The following AFAP1 variants were observed in gnomAD, a reference collection of about 807,000 sequenced individuals.
AFAP1 encodes the protein actin filament-associated protein 1.
In AFAP1, 75 loss-of-function variants were observed where a neutral mutation model predicts 93.9. The observed-to-expected ratio is 0.80, with a 90% CI of 0.66 to 0.97. The LOEUF is 0.97. Ranked by LOEUF, AFAP1 falls within the 50% of genes least tolerant of loss-of-function variation. The probability of loss-of-function intolerance (pLI) is 0.00; values close to 1 mark genes in which losing one functional copy is unlikely to be tolerated. For synonymous variants in AFAP1, 517 were observed against 430.7 expected, an observed-to-expected ratio of 1.20 and a Z score of -2.48; for missense variants, 1,201 against 1,050.8, an observed-to-expected ratio of 1.14 and a Z score of -1.98.
At chr4:7,765,641 G>A (rs946466865) in intron 17 of AFAP1, among the ~76,000 whole-genome samples, 30 of 152,228 alleles carry the variant, frequency 2.0e-4, no homozygotes, top group Non-Finnish European at 4.1e-4. Context: ...AGAAAGAGGA[G>A]GCAAAAGAGC....
chr4:7,930,484 T>C (rs1170601447), intron 1 of AFAP1, among the ~76,000 whole-genome samples: 1 of 152,192 alleles, frequency 6.6e-6, no homozygotes, highest in Non-Finnish European at 1.5e-5. Context: ...TCTTTAATCA[T>C]ACCTCGGTCT....
chr4:7,839,161 C>T (rs1371925323), intron 5 of AFAP1, among the ~76,000 whole-genome samples: 8 of 152,136 alleles, frequency 5.3e-5, no homozygotes, highest in East Asian at 1.9e-4. Flanking sequence ...ATGAAGAAAC[C>T]CCATCTCTAC....
chr4:7,907,488 T>C (rs1319783599), intron 1 of AFAP1, among the ~76,000 whole-genome samples: 1 of 152,128 alleles, frequency 6.6e-6, no homozygotes, highest in South Asian at 2.1e-4. Context: ...AAAGCTGAGA[T>C]TATGGAAGAA....
rs2148934749 is a variant in AFAP1 at position 7,763,885 on chromosome 4, G to A, written c.2419-94C>T. 3.9e-6 allele frequency: 5 copies of A among 1,294,132 alleles called. No individual in the cohort carries two copies. The South Asian group carries it at 6.3e-5, about 16-fold the overall frequency. 80.2% of individuals were successfully genotyped at this position (1,294,132 alleles called of 1,614,324 possible). A position where few individuals can be genotyped will look rare whatever the true frequency, so the allele number is the denominator to read the frequency against. The stretch of plus-strand genomic sequence containing the variant: ...TCCACATTCAACTCAGAGGGGGTGG[G>A]TGCTCGGCTACTGCAGAAAACTCAA... On this transcript the variant is annotated intron_variant, in intron 17 of 17. Transcript: ENST00000420658.
At chr4:7,858,206 G>A (rs1715285174) in intron 3 of AFAP1, among the ~76,000 whole-genome samples, 1 of 152,182 alleles carries the variant, frequency 6.6e-6, no homozygotes, top group Non-Finnish European at 1.5e-5. Context: ...TAAAAGGTGA[G>A]TGTTTGTGCT....
intron 1 of AFAP1, among the ~76,000 whole-genome samples, chr4:7,936,493 C>T (rs547550779): frequency 1.1e-4 from 17 of 151,742 alleles, no homozygotes; most frequent in African/African-American, 3.4e-4. Context: ...CCTGGCCTTA[C>T]TGTTTGAAAG....
intron 9 of AFAP1, among the ~76,000 whole-genome samples, chr4:7,806,586 G>A (rs1719536578): frequency 1.3e-5 from 2 of 152,216 alleles, no homozygotes; most frequent in African/African-American, 4.8e-5. Context: ...GGCAGGCTCA[G>A]TCTCAAGGGC....
chr4:7,800,764 T>C (rs1718950277), intron 9 of AFAP1, 111 bp from the exon 10 acceptor site: 1 of 1,004,230 alleles, frequency 1.0e-6, no homozygotes, highest in Admixed American at 2.1e-5. Context: ...ATAAAACAAA[T>C]CCTTCACACG....
intron 4 of AFAP1, among the ~76,000 whole-genome samples, chr4:7,848,118 A>C (rs1263071189): frequency 3.1e-5 from 4 of 128,304 alleles, no homozygotes; most frequent in Non-Finnish European, 6.5e-5. Flanking sequence ...GAAGGAAGGA[A>C]GGAAGGAAGG....
chr4:7,796,382 C>A (rs2149017672), intron 10 of AFAP1, among the ~76,000 whole-genome samples: 1 of 152,300 alleles, frequency 6.6e-6, no homozygotes, highest in South Asian at 2.1e-4. Context: ...CTCCGAGGGC[C>A]TCCTGCTGAC....
At chr4:7,800,266 C>CAAGAAGTA (rs151093877) in intron 10 of AFAP1, among the ~76,000 whole-genome samples, 176 bp downstream of exon 10, 56,715 of 151,504 alleles carry the variant, frequency 0.37, 11,260 homozygotes, top group East Asian at 0.76. Context: ...AAAACTGAGG[C>CAAGAAGTA]AAGAAGTAAA....
intron 9 of AFAP1, among the ~76,000 whole-genome samples, chr4:7,805,699 C>T (rs1162385010): frequency 6.6e-6 from 1 of 152,228 alleles, no homozygotes; most frequent in Non-Finnish European, 1.5e-5. Flanking sequence ...CAAGTATTTA[C>T]TGAGCTGGTA....
At chr4:7,785,369 T>C (rs1053354898) in intron 12 of AFAP1, among the ~76,000 whole-genome samples, 2 of 152,064 alleles carry the variant, frequency 1.3e-5, no homozygotes, top group African/African-American at 4.8e-5. Flanking sequence ...GATAGATGGA[T>C]AGATGGATAT....
At chr4:7,820,146 G>T (rs1720838094) in intron 6 of AFAP1, among the ~76,000 whole-genome samples, 1 of 152,178 alleles carries the variant, frequency 6.6e-6, no homozygotes, top group Non-Finnish European at 1.5e-5. Flanking sequence ...GGACAGACAG[G>T]GAGTCAGGAG....
chr4:7,863,649 G>A (rs75021530), intron 3 of AFAP1, among the ~76,000 whole-genome samples: 47,948 of 151,914 alleles, frequency 0.32, 7,856 homozygotes, highest in South Asian at 0.45. Context: ...CACTTCCAAA[G>A]ACACATTAGC....
intron 1 of AFAP1, among the ~76,000 whole-genome samples, chr4:7,912,231 T>C (rs941125957): frequency 5.3e-5 from 8 of 152,232 alleles, no homozygotes; most frequent in African/African-American, 1.9e-4. Flanking sequence ...TTCCAGTTTC[T>C]GGCGTTTTAT....
intron 1 of AFAP1, among the ~76,000 whole-genome samples, chr4:7,875,683 GAT>G (rs1717455866): frequency 6.6e-6 from 1 of 151,854 alleles, no homozygotes; most frequent in Admixed American, 6.6e-5. Flanking sequence ...AATGTCAAAA[GAT>G]AGAAAATGAA....
chr4:7,809,053 TTTTG>T (rs147032776), intron 9 of AFAP1, among the ~76,000 whole-genome samples: 14,513 of 102,900 alleles, frequency 0.14, 1,283 homozygotes, highest in East Asian at 0.55. Context: ...GGAAGCTTAG[TTTTG>T]TTTTTGTTTT....
At chr4:7,841,171 G>A (rs1425922852) in intron 5 of AFAP1, among the ~76,000 whole-genome samples, 1 of 152,226 alleles carries the variant, frequency 6.6e-6, no homozygotes, top group South Asian at 2.1e-4. Flanking sequence ...ACAACACCAG[G>A]AGCAAGGAGA....
Sources: allele counts gnomAD v4.1 joint callset (sites outside exome capture counted in the v4.1 genomes callset), GRCh38; gene constraint gnomAD v4.1.1; transcripts MANE v1.5; gene names NCBI Gene and HGNC (gene_info 2026-07-23, HGNC 2026-07-21).